CBL: variants seen among roughly 807,000 people sequenced by gnomAD.
CBL encodes the protein E3 ubiquitin-protein ligase CBL.
CBL carries 45 observed loss-of-function variants against 96.9 expected under a neutral mutation model. The observed-to-expected ratio is 0.46, with a 90% confidence interval of 0.37 to 0.60. The LOEUF (loss-of-function observed/expected upper bound fraction) is 0.60. CBL is among the 20% of genes least tolerant of loss of function. CBL has a pLI of 0.00. For missense variants in CBL, 1,024 were observed against 1,143.5 expected, an observed-to-expected ratio of 0.90 and a Z score of 1.51; for synonymous variants, 420 against 426.8, an observed-to-expected ratio of 0.98 and a Z score of 0.20.
At chr11:119,222,362 A>T (rs984058399) in intron 1 of CBL, among the ~76,000 whole-genome samples, 4 of 152,210 alleles carry the variant, frequency 2.6e-5, no homozygotes, top group Non-Finnish European at 1.5e-5. Flanking sequence ...TGTGATCATA[A>T]CACTTTCCAA....
At chr11:119,213,527 G>T (rs766260769) in intron 1 of CBL, among the ~76,000 whole-genome samples, 5 of 152,156 alleles carry the variant, frequency 3.3e-5, no homozygotes, top group Non-Finnish European at 4.4e-5. Flanking sequence ...GTCCTTGAGG[G>T]TAGCACCTGT....
chr11:119,298,880 AGAAGG>A lies in CBL; in HGVS notation c.2434+341_2434+345del, dbSNP rs1170089645. On this transcript the variant is annotated intron_variant, in intron 15 of 15. Transcript: ENST00000264033. Reference sequence around the variant, plus strand: ...TTTCCTGGGCTCTGTTCCATTGGAAAGAAGGCATGCTAGCTCTGGAACACACACTG... The same window carrying A: ...TTTCCTGGGCTCTGTTCCATTGGAAACATGCTAGCTCTGGAACACACACTG... 1.7e-3 allele frequency among the ~76,000 whole-genome samples: 263 copies of A among 152,316 alleles called. 1 individual carries two copies. The highest frequency in any genetic ancestry group is 6.0e-3 in the African/African-American group (250 of 41,564).
rs371567712 is a variant in CBL at position 119,206,429 on chromosome 11, C to T, written c.12C>T (p.Asn4=). The T allele has an allele frequency of 7.6e-5, 120 of 1,568,858 alleles. 1 individual carries two copies. In the African/African-American group the frequency reaches 1.3e-3, roughly 17 times the overall value. The part of the protein sequence containing the change: MAG[N]VKKSSGAGGG... ...ACCCTGCCCAGGCCATGGCCGGCAACGTGAAGAAGAGCTCTGGGGCCGGGG... is the reference window on the plus strand; with the variant it reads ...ACCCTGCCCAGGCCATGGCCGGCAATGTGAAGAAGAGCTCTGGGGCCGGGG... The change falls in exon 1 of 16, where the codon AAC becomes AAT. Residue 4 remains asparagine, a synonymous_variant. Coordinates refer to ENST00000264033, the MANE Select transcript of CBL (RefSeq NM_005188.4).
intron 1 of CBL, among the ~76,000 whole-genome samples, chr11:119,213,568 T>C (rs1278020754): frequency 1.3e-5 from 2 of 152,222 alleles, no homozygotes. Flanking sequence ...TATCCAGTTA[T>C]GGAGCCTTCT....
At chr11:119,257,056 C>T (rs1395788399) in intron 2 of CBL, among the ~76,000 whole-genome samples, 1 of 152,204 alleles carries the variant, frequency 6.6e-6, no homozygotes, top group Non-Finnish European at 1.5e-5. Context: ...CCTTTTCATA[C>T]AGTGACTTAT....
chr11:119,285,354 A>G lies in CBL; in HGVS notation c.1729A>G (p.Lys577Glu), dbSNP rs767411521. Residue 577 changes from lysine to glutamate, a missense_variant, in exon 11 of 16, where the codon AAA becomes GAA. Physicochemically the swap from Lys to Glu is moderately conservative, Grantham distance 56 (BLOSUM62 1). Transcript: ENST00000264033. Reference protein sequence around the residue: ...CTPGDCPSRDKLPPVPSSRLG... With the variant: ...CTPGDCPSRDELPPVPSSRLG... ...ACCAGGCGACTGTCCCTCCAGAGAC[A>G]AACTGCCCCCTGTCCCCTCTAGCCG... 2.5e-6 allele frequency: 4 copies of G among 1,614,048 alleles called. No homozygotes were observed. In the East Asian group the frequency reaches 6.7e-5, roughly 27 times the overall value.
intron 2 of CBL, among the ~76,000 whole-genome samples, chr11:119,258,026 A>T (rs1404430139): frequency 2.0e-5 from 3 of 152,108 alleles, no homozygotes; most frequent in Non-Finnish European, 4.4e-5. Flanking sequence ...CAGGAGTTCG[A>T]GACCACCCTG....
intron 1 of CBL, among the ~76,000 whole-genome samples, chr11:119,216,190 C>T (rs1949358650): frequency 1.3e-5 from 2 of 152,194 alleles, no homozygotes; most frequent in African/African-American, 4.8e-5. Context: ...ACTGCCTGGG[C>T]ACCTTCTCAC....
chr11:119,257,023 G>C (rs1007731560), intron 2 of CBL, among the ~76,000 whole-genome samples: 10 of 152,218 alleles, frequency 6.6e-5, no homozygotes, highest in Admixed American at 5.9e-4. Flanking sequence ...GCATTGTGCT[G>C]TGATTAACAT....
rs932088707 is a variant in CBL, at chr11:119,206,748, CGGCCGGG to C, written c.195+140_195+146del. 1.8e-4 allele frequency: 34 copies of C among 186,122 alleles called. No homozygotes were observed. In the East Asian group the frequency reaches 0.012, roughly 63 times the overall value. The allele number at this position is 186,122 out of a possible 1,614,324, so 11.5% of individuals were successfully genotyped here. ...CGGGGAGGCGCGGAGCCGGGGTGAC[CGGCCGGG>C]GGCGTGGGGGCAGGGACGAGGCCGG... On this transcript the variant is annotated intron_variant, in intron 1 of 15. Coordinates refer to ENST00000264033, the MANE Select transcript of CBL (RefSeq NM_005188.4).
rs752715099 is a variant in CBL at position 119,303,759 on chromosome 11, G to C, written c.*3978G>C. ...GTGAGTTGAAAGGTAAGTTGGCTCA[G>C]AGTTGCACAGTAGGGCATTAAATGT... On this transcript the variant is annotated 3_prime_UTR_variant, in exon 16 of 16. Coordinates refer to ENST00000264033, the MANE Select transcript of CBL (RefSeq NM_005188.4). 7 of 233,552 alleles carry C rather than the reference G, an allele frequency of 3.0e-5. No individual in the cohort carries two copies. The highest frequency in any genetic ancestry group is 5.9e-5 in the Non-Finnish European group (7 of 118,046). The allele number at this position is 233,552 out of a possible 1,614,324, so 14.5% of individuals were successfully genotyped here. A position where few individuals can be genotyped will look rare whatever the true frequency, so the allele number is the denominator to read the frequency against.
At chr11:119,288,528 G>A (rs1950002098) in intron 12 of CBL, among the ~76,000 whole-genome samples, 1 of 151,982 alleles carries the variant, frequency 6.6e-6, no homozygotes, top group Non-Finnish European at 1.5e-5. Flanking sequence ...CTTCCTATAA[G>A]GACACCAATG....
At chr11:119,232,409 A>G in intron 1 of CBL, 39 bp from the exon 2 acceptor site, 1 of 1,609,196 alleles carries the variant, frequency 6.2e-7, no homozygotes, top group South Asian at 1.1e-5. Flanking sequence ...TGTCCTTAAA[A>G]TTCTCCAAGT....
chr11:119,229,598 CTTTT>C (rs1230493230), intron 1 of CBL, among the ~76,000 whole-genome samples: 2 of 151,890 alleles, frequency 1.3e-5, no homozygotes, highest in African/African-American at 4.8e-5. Flanking sequence ...CAGAGGGAGT[CTTTT>C]TCTCAAAAAC....
intron 9 of CBL, among the ~76,000 whole-genome samples, chr11:119,284,472 T>A (rs1016900147): frequency 6.6e-6 from 1 of 151,958 alleles, no homozygotes; most frequent in African/African-American, 2.4e-5. Context: ...TTTTTTATTT[T>A]ATTTTTTGTA....
At chr11:119,232,731 T>C in intron 2 of CBL, 36 bp downstream of exon 2, 1 of 1,599,464 alleles carries the variant, frequency 6.3e-7, no homozygotes, top group Non-Finnish European at 8.5e-7. Flanking sequence ...ATTATGCAGG[T>C]CTGTGACTGC....
At position 119,302,316 on chromosome 11, in the gene CBL, A is replaced by C. The variant is rs1251416655; in HGVS notation, c.*2535A>C. On this transcript the variant is annotated 3_prime_UTR_variant, in exon 16 of 16. Coordinates refer to ENST00000264033, the MANE Select transcript of CBL (RefSeq NM_005188.4). ...CCAGGCAAGATTAAGGAAAGTTTTCATGTGGCTTTTGTTTTGAGGTTATTC... is the reference window on the plus strand; with the variant it reads ...CCAGGCAAGATTAAGGAAAGTTTTCCTGTGGCTTTTGTTTTGAGGTTATTC... The C allele has an allele frequency of 1.3e-5, 3 of 232,570 alleles. No homozygotes were observed. In the East Asian group the frequency reaches 1.8e-4, roughly 14 times the overall value. The allele number at this position is 232,570 out of a possible 1,614,324, so 14.4% of individuals were successfully genotyped here.
Position 119,228,272 on chromosome 11 carries a change from TA to T in CBL, c.196-4174del, listed in dbSNP as rs1160639184. On this transcript the variant is annotated intron_variant, in intron 1 of 15. Coordinates refer to ENST00000264033, the MANE Select transcript of CBL (RefSeq NM_005188.4). ...ACAGGTGCCCACCACCATGTCTACT[TA>T]ATGTTTTTTTATATGTTTTTGTAGA... Among the ~76,000 whole-genome samples the T allele has an allele frequency of 3.3e-5, 5 of 152,258 alleles. No individual in the cohort carries two copies. The East Asian group carries it at 9.6e-4, about 29-fold the overall frequency.
rs753172579 is a variant in CBL, at chr11:119,234,028, C to T, written c.443+1333C>T. Among the ~76,000 whole-genome samples the T allele has an allele frequency of 1.1e-4, 16 of 151,950 alleles. 1 individual carries two copies. Among genetic ancestry groups the T allele is most frequent in the Admixed American group, 2.0e-4 (3 of 15,240 alleles). On this transcript the variant is annotated intron_variant, in intron 2 of 15. Coordinates refer to ENST00000264033, the MANE Select transcript of CBL (RefSeq NM_005188.4). ...TTGTTTTGTTTTGTTTTGTTTGAGA[C>T]GGAGTCTTGCTGTTGTCACCCAGGC...
Sources: gnomAD v4.1 joint callset for allele counts (sites outside exome capture counted in the v4.1 genomes callset) on GRCh38, gnomAD v4.1.1 for gene constraint, MANE v1.5 for transcripts, NCBI Gene and HGNC (gene_info 2026-07-23, HGNC 2026-07-21) for gene names.